Variants in ZFP92 observed in about 807,000 individuals in gnomAD.
The protein encoded by ZFP92 is ZFP92 zinc finger protein, also known as zinc finger protein 92 homolog.
Under a neutral mutation model 7.6 loss-of-function variants are expected in ZFP92, and 2 were observed. That is an observed-to-expected ratio of 0.26 (90% CI 0.11 to 0.83). The LOEUF is 0.83. Ranked by LOEUF, ZFP92 falls within the 40% of genes least tolerant of loss-of-function variation. The pLI is 0.65. For missense variants in ZFP92, 324 were observed against 408.3 expected, an observed-to-expected ratio of 0.79 and a Z score of 1.78; for synonymous variants, 226 against 183.6, an observed-to-expected ratio of 1.23 and a Z score of -1.87.
intron 3 of ZFP92, 138 bp downstream of exon 3, chrX:153,418,493 G>A (rs1602894825): frequency 2.0e-6 from 2 of 979,067 alleles, no homozygotes; most frequent in East Asian, 6.7e-5. Context: ...CACAATCTGG[G>A]CTTCCTGCCT....
In ZFP92 at chrX:153,418,790, G is replaced by A. The variant is rs1556974379; in HGVS notation, c.151G>A (p.Val51Met). 1.7e-6 allele frequency: 2 copies of A among 1,167,314 alleles called. No homozygotes were observed. The highest frequency in any genetic ancestry group is 1.1e-6 in the Non-Finnish European group (1 of 872,891). The change falls in exon 4 of 6, where the codon GTG becomes ATG. Residue 51 changes from valine (V) to methionine (M), a missense_variant. Transcript: ENST00000338647. ...RVMLENYSHL[V>M]SLGFSFSKPH... ...GATGCTGGAGAACTATAGCCATTTGGTGTCACTGGGTAAGTGATCCCTCCA... is the reference window on the plus strand; with the variant it reads ...GATGCTGGAGAACTATAGCCATTTGATGTCACTGGGTAAGTGATCCCTCCA...
intron 2 of ZFP92, among the ~76,000 whole-genome samples, chrX:153,413,171 C>T (rs1007269238): frequency 2.7e-5 from 3 of 110,512 alleles, no homozygotes; most frequent in Non-Finnish European, 5.7e-5. Context: ...CTGTCCCTTG[C>T]TGTGGATGAA....
At chrX:153,419,442 G>A (rs2088980333) in intron 4 of ZFP92, among the ~76,000 whole-genome samples, 1 of 112,646 alleles carries the variant, frequency 8.9e-6, no homozygotes, top group South Asian at 3.6e-4. Context: ...GTTTTCAGGT[G>A]GGGTAAAGAA....
chrX:153,417,476 G>C (rs2088962339), intron 2 of ZFP92, among the ~76,000 whole-genome samples: 1 of 111,860 alleles, frequency 8.9e-6, no homozygotes, highest in Non-Finnish European at 1.9e-5. Context: ...TCTTCATTTT[G>C]CAAAGGGAGG....
In ZFP92 at chrX:153,420,317, G is replaced by A. The variant is rs782682003; in HGVS notation, c.250G>A (p.Ala84Thr). The A allele has an allele frequency of 5.6e-5, 65 of 1,163,114 alleles. No individual in the cohort carries two copies. The highest frequency in any genetic ancestry group is 2.6e-4 in the East Asian group (8 of 30,619). ...AGACATCCCCAGAACCTGGGCCACC[G>A]CAGGATTGCACATAGGTGAGTGAGA... ...VADIPRTWATAGLHIGDRTQS... is the reference protein window; with the variant it reads ...VADIPRTWATTGLHIGDRTQS... Residue 84 changes from alanine to threonine, a missense_variant, in exon 5 of 6, where the codon GCA becomes ACA. Physicochemically the swap from Ala to Thr is moderately conservative, Grantham distance 58. Coordinates refer to ENST00000338647, the MANE Select transcript of ZFP92 (RefSeq NM_001136273.2).
At position 153,425,367 on chromosome X, in the gene ZFP92, C is replaced by T. The variant is rs781824905; in HGVS notation, c.*3739C>T. On this transcript the variant is annotated 3_prime_UTR_variant, in exon 6 of 6. Coordinates refer to ENST00000338647, the MANE Select transcript of ZFP92 (RefSeq NM_001136273.2). Reference sequence around the variant, plus strand: ...AAAGTATGAGGTGTGTTCAGGGAAGCTTAGAAGGGCAGAGAGGTTTCAGTA... The same window carrying T: ...AAAGTATGAGGTGTGTTCAGGGAAGTTTAGAAGGGCAGAGAGGTTTCAGTA... 66 of 111,453 alleles carry T rather than the reference C, an allele frequency of 5.9e-4. No individual in the cohort carries two copies. The highest frequency in any genetic ancestry group is 2.1e-3 in the African/African-American group (65 of 30,618). The allele number at this position is 111,453 out of a possible 1,213,427, so 9.2% of individuals were successfully genotyped here.
rs185106425 is a variant in ZFP92 at position 153,418,259 on chromosome X, T to C, written c.-18-46T>C. 11 of 1,158,469 alleles carry C rather than the reference T, an allele frequency of 9.5e-6. No homozygotes were observed. In the African/African-American group the frequency reaches 2.0e-4, roughly 21 times the overall value. On this transcript the variant is annotated intron_variant, in intron 2 of 5. Transcript: ENST00000338647. ...TTCAAGCAGGTCGCAGATTGGCTGC[T>C]CCAGGCTGCCCTGGGCTCACAGGGG... is the stretch of plus-strand genomic sequence containing the variant.
In ZFP92 at chrX:153,421,268, C is replaced by T; in HGVS notation, c.891C>T (p.Cys297=). The T allele has an allele frequency of 8.5e-7, 1 of 1,173,559 alleles. No homozygotes were observed. Among genetic ancestry groups the T allele is most frequent in the Non-Finnish European group, 1.1e-6 (1 of 877,200 alleles). Residue 297 remains cysteine (C), a synonymous_variant, in exon 6 of 6, where the codon TGC becomes TGT. Transcript: ENST00000338647. The part of the protein sequence containing the change: ...RGEKPYACGQ[C]AKAFKGVSQL... The stretch of plus-strand genomic sequence containing the variant: ...AGAAGCCCTACGCCTGCGGCCAGTG[C>T]GCCAAGGCCTTCAAGGGCGTCTCGC...
chrX:153,412,145 A>G, intron 2 of ZFP92, among the ~76,000 whole-genome samples, 132 bp downstream of exon 2: 1 of 112,653 alleles, frequency 8.9e-6, no homozygotes, highest in Middle Eastern at 4.6e-3. Flanking sequence ...ATTGTGCTCC[A>G]GAGGGTATCA....
intron 2 of ZFP92, 86 bp from the exon 3 acceptor site, chrX:153,418,219 A>G: frequency 9.4e-7 from 1 of 1,059,269 alleles, no homozygotes; most frequent in Non-Finnish European, 1.3e-6. Flanking sequence ...TTCACAAGAA[A>G]AACTAAGCAG....
At chrX:153,416,685 A>G (rs2088954275) in intron 2 of ZFP92, among the ~76,000 whole-genome samples, 1 of 111,901 alleles carries the variant, frequency 8.9e-6, no homozygotes, top group Non-Finnish European at 1.9e-5. Context: ...CTGAGAAAGG[A>G]ACAATCTTTT....
At chrX:153,413,379 C>T (rs1569529392) in intron 2 of ZFP92, among the ~76,000 whole-genome samples, 1 of 106,294 alleles carries the variant, frequency 9.4e-6, no homozygotes, top group Non-Finnish European at 1.9e-5. Context: ...CATCCCCTTC[C>T]CAGCCCTCCC....
At position 153,422,170 on chromosome X, in the gene ZFP92, G is replaced by A. The variant is rs1385069295; in HGVS notation, c.*542G>A. ...TCCCCTCGCCCTAAGAGTTGTTAGT[G>A]TTCCCAAGTAGAAGATACTGAAAGC... On this transcript the variant is annotated 3_prime_UTR_variant, in exon 6 of 6. Coordinates refer to ENST00000338647, the MANE Select transcript of ZFP92 (RefSeq NM_001136273.2). 1 of 111,840 alleles carries A rather than the reference G, an allele frequency of 8.9e-6. No homozygotes were observed. The highest frequency in any genetic ancestry group is 3.2e-5 in the African/African-American group (1 of 30,777). 9.2% of individuals were successfully genotyped at this position (111,840 alleles called of 1,213,427 possible).
At chrX:153,418,096 G>A (rs782397490) in intron 2 of ZFP92, among the ~76,000 whole-genome samples, 10 of 112,141 alleles carry the variant, frequency 8.9e-5, no homozygotes, top group East Asian at 5.6e-4. Context: ...TGAAGGCCCC[G>A]ATTTGTAGTA....
intron 2 of ZFP92, among the ~76,000 whole-genome samples, chrX:153,414,561 C>T (rs2088935448): frequency 9.0e-6 from 1 of 111,427 alleles, no homozygotes; most frequent in African/African-American, 3.3e-5. Flanking sequence ...GTTGGCCAGG[C>T]TGGTCTCCAA....
Position 153,421,401 on chromosome X carries a change from C to T in ZFP92, c.1024C>T (p.His342Tyr). 1 of 1,157,058 alleles carries T rather than the reference C, an allele frequency of 8.6e-7. No homozygotes were observed. Among genetic ancestry groups the T allele is most frequent in the Non-Finnish European group, 1.1e-6 (1 of 872,178 alleles). ...RSGLSQHRRV[H>Y]SGEKPYECSD... ...GGGCCTCAGCCAGCACCGGCGCGTG[C>T]ACAGCGGTGAGAAGCCCTACGAGTG... is the stretch of plus-strand genomic sequence containing the variant. The change falls in exon 6 of 6, where the codon CAC becomes TAC. Residue 342 changes from histidine (H) to tyrosine (Y), a missense_variant. Physicochemically the swap from His to Tyr is moderately conservative, Grantham distance 83. Transcript: ENST00000338647.
chrX:153,420,288 T>TAGCAGACATCCCCAGAACCTGGGC lies in ZFP92; in HGVS notation c.222_245dup (p.Ala75_Ala82dup). ...TTGGAACGAGGGGAAGGACCCTGGG[T>TAGCAGACATCCCCAGAACCTGGGC]AGCAGACATCCCCAGAACCTGGGCC... On this transcript the variant is annotated inframe_insertion, in exon 5 of 6. Coordinates refer to ENST00000338647, the MANE Select transcript of ZFP92 (RefSeq NM_001136273.2). 8.6e-7 allele frequency: 1 copy of TAGCAGACATCCCCAGAACCTGGGC among 1,167,518 alleles called. No homozygotes were observed. Among genetic ancestry groups the TAGCAGACATCCCCAGAACCTGGGC allele is most frequent in the Non-Finnish European group, 1.1e-6 (1 of 872,881 alleles).
chrX:153,411,804 G>A (rs3747471), intron 1 of ZFP92, among the ~76,000 whole-genome samples, 101 bp downstream of exon 1: 17,183 of 111,885 alleles, frequency 0.15, 1,210 homozygotes, highest in East Asian at 0.35. Context: ...CTGCGGCGGC[G>A]GCGACAAGCA....
In ZFP92 at chrX:153,421,095, G is replaced by A; in HGVS notation, c.718G>A (p.Asp240Asn). ...HSGERPFACG[D>N]CGKLFRRSFA... ...CGGCGAGCGGCCCTTCGCCTGCGGC[G>A]ACTGCGGCAAACTGTTCCGCCGCAG... is the stretch of plus-strand genomic sequence containing the variant. The change falls in exon 6 of 6, where the codon GAC (aspartate) becomes AAC (asparagine). Residue 240 changes from aspartate to asparagine, a missense_variant. Physicochemically the swap from Asp to Asn is conservative, Grantham distance 23. Coordinates refer to ENST00000338647, the MANE Select transcript of ZFP92 (RefSeq NM_001136273.2). The A allele has an allele frequency of 1.7e-6, 2 of 1,178,765 alleles. No individual in the cohort carries two copies. Among genetic ancestry groups the A allele is most frequent in the Non-Finnish European group, 2.3e-6 (2 of 879,428 alleles).
Sources: allele counts gnomAD v4.1 joint callset (sites outside exome capture counted in the v4.1 genomes callset), GRCh38; gene constraint gnomAD v4.1.1; transcripts MANE v1.5; gene names NCBI Gene and HGNC (gene_info 2026-07-23, HGNC 2026-07-21).